Variants in ERMP1 observed in about 807,000 individuals in gnomAD.
ERMP1 encodes endoplasmic reticulum metallopeptidase 1.
In ERMP1, 86 loss-of-function variants were observed where a neutral mutation model predicts 92.0. That is an observed-to-expected ratio of 0.93 (90% CI 0.79 to 1.12). The LOEUF (loss-of-function observed/expected upper bound fraction) is 1.12. ERMP1 is among the 50% of genes most tolerant of loss of function. ERMP1 has a pLI of 0.00. For synonymous variants in ERMP1, 530 were observed against 412.8 expected (o/e 1.28, Z -3.44); for missense variants, 1,342 against 1,116.3 (o/e 1.20, Z -2.88).
chr9:5,857,341 G>A (rs933168432), intron 6 of ERMP1, among the ~76,000 whole-genome samples: 1 of 152,096 alleles, frequency 6.6e-6, no homozygotes, highest in South Asian at 2.1e-4. Flanking sequence ...TTCAATATGA[G>A]AGCTGAAATA....
Position 5,832,807 on chromosome 9 carries a change from G to C in ERMP1, c.221C>G (p.Ala74Gly), listed in dbSNP as rs4145822. 1 of 1,501,610 alleles carries C rather than the reference G, an allele frequency of 6.7e-7. No homozygotes were observed. Among genetic ancestry groups the C allele is most frequent in the Non-Finnish European group, 8.8e-7 (1 of 1,133,566 alleles). The allele number at this position is 1,501,610 out of a possible 1,614,324, so 93.0% of individuals were successfully genotyped here. ...AGTGLSEVRA[A>G]LGLALYLIAL... ...GATCAGGTAGAGCGCGAGCCCCAGCGCGGCGCGCACCTCAGACAGCCCGGT... is the reference window on the plus strand; with the variant it reads ...GATCAGGTAGAGCGCGAGCCCCAGCCCGGCGCGCACCTCAGACAGCCCGGT... Residue 74 changes from alanine to glycine, a missense_variant, in exon 1 of 15, where the codon GCG becomes GGG. Transcript: ENST00000339450.
At position 5,795,776 on chromosome 9, in the gene ERMP1, AAAAAAG is replaced by A. The variant is rs1020640467; in HGVS notation, c.2386+2035_2386+2040del. The stretch of plus-strand genomic sequence containing the variant: ...CTAGGTGACAGAGTGAGACTGTCTC[AAAAAAG>A]AAAAAGAAAAAGAAAAGAAAATCTT... On this transcript the variant is annotated intron_variant, in intron 13 of 14. Coordinates refer to ENST00000339450, the MANE Select transcript of ERMP1 (RefSeq NM_024896.3). 8.9e-4 allele frequency among the ~76,000 whole-genome samples: 136 copies of A among 152,246 alleles called. No homozygotes were observed. The East Asian group carries it at 0.024, about 27-fold the overall frequency.
At chr9:5,854,942 G>C (rs978744163) in intron 6 of ERMP1, among the ~76,000 whole-genome samples, 3 of 152,128 alleles carry the variant, frequency 2.0e-5, no homozygotes, top group Admixed American at 2.0e-4. Context: ...AAACTTTTAG[G>C]GGTTGAATCT....
Position 5,801,334 on chromosome 9 carries a change from A to T in ERMP1, c.1915-6T>A. ...GCAAGGTAGATGAAGTTAATCTGAA[A>T]CACAAACCACAAACACAGAAATATT... On this transcript the variant is annotated splice_polypyrimidine_tract_variant and splice_region_variant and intron_variant, in intron 10 of 14. Transcript: ENST00000339450. The T allele has an allele frequency of 1.2e-6, 2 of 1,606,354 alleles. No individual in the cohort carries two copies. The highest frequency in any genetic ancestry group is 1.7e-6 in the Non-Finnish European group (2 of 1,177,304).
At chr9:5,798,063 GC>G in intron 12 of ERMP1, 131 bp from the exon 13 acceptor site, 1 of 671,614 alleles carries the variant, frequency 1.5e-6, no homozygotes, top group Non-Finnish European at 2.6e-6. Flanking sequence ...GATAAGCAAT[GC>G]CAACTCCAAC....
At chr9:5,798,481 G>C (rs1385662589) in intron 12 of ERMP1, among the ~76,000 whole-genome samples, 1 of 152,014 alleles carries the variant, frequency 6.6e-6, no homozygotes, top group Non-Finnish European at 1.5e-5. Context: ...CTCCCAAAGT[G>C]CTGGGATTAC....
chr9:5,792,529 T>C (rs13289883), intron 13 of ERMP1, among the ~76,000 whole-genome samples: 3 of 152,190 alleles, frequency 2.0e-5, no homozygotes, highest in Admixed American at 1.3e-4. Flanking sequence ...ATAACCAGTC[T>C]CAACTTCTTT....
At chr9:5,797,772 G>T in intron 13 of ERMP1, 45 bp downstream of exon 13, 1 of 1,202,226 alleles carries the variant, frequency 8.3e-7, no homozygotes, top group Non-Finnish European at 1.2e-6. Flanking sequence ...TTATTAACAA[G>T]TTTAAGAAAT....
At chr9:5,805,573 G>A in intron 9 of ERMP1, 38 bp downstream of exon 9, 2 of 1,487,442 alleles carry the variant, frequency 1.3e-6, no homozygotes, top group Non-Finnish European at 8.9e-7. Flanking sequence ...GTATTTTAAG[G>A]TATTCTCCCA....
chr9:5,852,709 G>T (rs1830325405), intron 6 of ERMP1, among the ~76,000 whole-genome samples: 1 of 150,892 alleles, frequency 6.6e-6, no homozygotes, highest in South Asian at 2.1e-4. Context: ...AAATCCTAAG[G>T]ATAGCTATCT....
intron 6 of ERMP1, among the ~76,000 whole-genome samples, chr9:5,811,788 C>T (rs1337072870): frequency 6.6e-6 from 1 of 152,180 alleles, no homozygotes; most frequent in Admixed American, 6.5e-5. Flanking sequence ...GCTGAACAAG[C>T]TGTCACACAT....
rs1827862906 is a variant in ERMP1, at chr9:5,784,662, CCTT to C, written c.*2479_*2481del. ...CAGTGACAAGAAATTGACAAACACT[CCTT>C]CTACAGCTTCCTGAGACAGCAGGCT... On this transcript the variant is annotated 3_prime_UTR_variant, in exon 15 of 15. Coordinates refer to ENST00000339450, the MANE Select transcript of ERMP1 (RefSeq NM_024896.3). The C allele has an allele frequency of 6.5e-6, 1 of 152,692 alleles. No individual in the cohort carries two copies. The highest frequency in any genetic ancestry group is 2.4e-5 in the African/African-American group (1 of 41,470). The allele number at this position is 152,692 out of a possible 1,614,324, so 9.5% of individuals were successfully genotyped here.
intron 11 of ERMP1, among the ~76,000 whole-genome samples, chr9:5,800,025 G>C (rs866263046): frequency 6.6e-6 from 1 of 152,144 alleles, no homozygotes; most frequent in East Asian, 1.9e-4. Flanking sequence ...AATTTTTTAA[G>C]TCCTTGAATA....
chr9:5,842,334 G>C (rs1164378129), intron 6 of ERMP1, among the ~76,000 whole-genome samples: 2 of 149,326 alleles, frequency 1.3e-5, no homozygotes, highest in African/African-American at 4.9e-5. Context: ...CCTTTAGCTA[G>C]ACAGAGAAGT....
chr9:5,863,981 T>C (rs1304836218), intron 5 of ERMP1, among the ~76,000 whole-genome samples: 1 of 152,316 alleles, frequency 6.6e-6, no homozygotes, highest in African/African-American at 2.4e-5. Flanking sequence ...ATTTCCAATT[T>C]TTTACTTCTA....
intron 5 of ERMP1, among the ~76,000 whole-genome samples, chr9:5,861,170 G>GGGTGT (rs1554630170): frequency 9.8e-6 from 1 of 102,078 alleles, no homozygotes; most frequent in African/African-American, 3.6e-5. Flanking sequence ...TGGCTTAGGG[G>GGGTGT]GTGTGTGTGT....
At chr9:5,800,016 AT>A (rs1298844223) in intron 11 of ERMP1, among the ~76,000 whole-genome samples, 1 of 152,180 alleles carries the variant, frequency 6.6e-6, no homozygotes, top group Non-Finnish European at 1.5e-5. Flanking sequence ...AGTGTTTTTA[AT>A]TTTTTAAGTC....
chr9:5,840,311 G>A (rs1360908355), intron 6 of ERMP1, among the ~76,000 whole-genome samples: 4 of 152,118 alleles, frequency 2.6e-5, no homozygotes, highest in Non-Finnish European at 4.4e-5. Flanking sequence ...TTGGGAGGGA[G>A]GGAGAGTCTA....
chr9:5,864,988 C>T (rs1418742), intron 5 of ERMP1, among the ~76,000 whole-genome samples: 131,059 of 152,182 alleles, frequency 0.86, 56,821 homozygotes, highest in Non-Finnish European at 0.92. Context: ...AAAAAAAAAT[C>T]ACTGAAGGAA....
Sources: gnomAD v4.1 joint callset for allele counts (sites outside exome capture counted in the v4.1 genomes callset) on GRCh38, gnomAD v4.1.1 for gene constraint, MANE v1.5 for transcripts, NCBI Gene and HGNC (gene_info 2026-07-23, HGNC 2026-07-21) for gene names.